The following LRP1B variants were observed in gnomAD, a reference collection of about 807,000 sequenced individuals.
LRP1B encodes low-density lipoprotein receptor-related protein 1B.
Under a neutral mutation model 556.6 loss-of-function variants are expected in LRP1B, and 217 were observed. The observed-to-expected ratio is 0.39, with a 90% CI of 0.35 to 0.44. The LOEUF (loss-of-function observed/expected upper bound fraction) is 0.44. Among genes scored for constraint, LRP1B ranks in the 20% least tolerant of loss-of-function variants. LRP1B has a pLI of 1.00. For missense variants in LRP1B, 5,053 were observed against 5,620.8 expected, an observed-to-expected ratio of 0.90 and a Z score of 3.23; for synonymous variants, 2,047 against 1,865.8, an observed-to-expected ratio of 1.10 and a Z score of -2.50.
At chr2:140,326,576 G>A (rs1680492141) in intron 79 of LRP1B, among the ~76,000 whole-genome samples, 1 of 151,972 alleles carries the variant, frequency 6.6e-6, no homozygotes, top group Non-Finnish European at 1.5e-5. Flanking sequence ...TTAGCAGGGA[G>A]TGGTGTCTGG....
At chr2:141,344,690 G>A (rs901815155) in intron 3 of LRP1B, among the ~76,000 whole-genome samples, 4 of 151,882 alleles carry the variant, frequency 2.6e-5, no homozygotes, top group African/African-American at 9.7e-5. Flanking sequence ...AGCTCCATAA[G>A]GGCAGACTCT....
At chr2:140,544,296 TATATA>T (rs1680245607) in intron 43 of LRP1B, among the ~76,000 whole-genome samples, 5 of 151,688 alleles carry the variant, frequency 3.3e-5, no homozygotes, top group African/African-American at 1.2e-4. Flanking sequence ...TCAGGTTTGT[TATATA>T]GGTAAATTTG....
chr2:141,600,139 A>C (rs139451002), intron 2 of LRP1B, among the ~76,000 whole-genome samples: 1,822 of 152,280 alleles, frequency 0.012, 41 homozygotes, highest in African/African-American at 0.041. Context: ...AAAAGGTATA[A>C]ATAGTGATCA....
chr2:141,264,276 GACA>G (rs1439095168), intron 3 of LRP1B, among the ~76,000 whole-genome samples: 1 of 152,090 alleles, frequency 6.6e-6, no homozygotes, highest in Non-Finnish European at 1.5e-5. Flanking sequence ...AAACGTGACT[GACA>G]ACATTGTCAC....
intron 14 of LRP1B, among the ~76,000 whole-genome samples, chr2:141,007,057 A>T (rs1337078436): frequency 6.6e-6 from 1 of 151,960 alleles, no homozygotes; most frequent in Non-Finnish European, 1.5e-5. Flanking sequence ...GCATCAATAA[A>T]TAACATTTTT....
intron 83 of LRP1B, among the ~76,000 whole-genome samples, chr2:140,299,393 G>T (rs1683727720): frequency 6.6e-6 from 1 of 151,988 alleles, no homozygotes; most frequent in African/African-American, 2.4e-5. Context: ...ACATTTTTAT[G>T]GTGAGTAATA....
intron 2 of LRP1B, among the ~76,000 whole-genome samples, chr2:141,608,667 G>A (rs569751912): frequency 1.3e-5 from 2 of 151,980 alleles, no homozygotes; most frequent in African/African-American, 4.8e-5. Context: ...AAACTTTATG[G>A]AAAAAATATA....
At chr2:140,483,640 A>ATATATTTTT (rs1491228405) in intron 59 of LRP1B, among the ~76,000 whole-genome samples, 15 of 70,736 alleles carry the variant, frequency 2.1e-4, no homozygotes, top group African/African-American at 7.6e-4. Context: ...ATATATATAT[A>ATATATTTTT]TTTTTTTTTT....
intron 1 of LRP1B, among the ~76,000 whole-genome samples, chr2:141,836,678 GTATT>G (rs1201529108): frequency 6.6e-6 from 1 of 151,926 alleles, no homozygotes; most frequent in African/African-American, 2.4e-5. Flanking sequence ...ACTGCTAACA[GTATT>G]TCTTTATGCT....
At chr2:140,674,939 T>C (rs75430304) in intron 41 of LRP1B, among the ~76,000 whole-genome samples, 6,784 of 152,320 alleles carry the variant, frequency 0.045, 299 homozygotes, top group African/African-American at 0.1. Flanking sequence ...GGTTCAGTCT[T>C]ACAATCAAGA....
chr2:141,126,564 TACTC>T, intron 7 of LRP1B, among the ~76,000 whole-genome samples: 1 of 152,268 alleles, frequency 6.6e-6, no homozygotes, highest in East Asian at 1.9e-4. Flanking sequence ...TTTTCTTCCT[TACTC>T]AGTCCCCAAA....
rs1689326536 is a variant in LRP1B, at chr2:141,641,360, T to C, written c.206-160827A>G. Among the ~76,000 whole-genome samples, 3 of 151,992 alleles carry C rather than the reference T, an allele frequency of 2.0e-5. No homozygotes were observed. In the South Asian group the frequency reaches 6.2e-4, roughly 31 times the overall value. ...CTTCCAGTTGTCCCCAACATTGATA[T>C]AAAGAAAAAGGGAGTTGAAAAGGGG... On this transcript the variant is annotated intron_variant, in intron 2 of 90. Coordinates refer to ENST00000389484, the MANE Select transcript of LRP1B (RefSeq NM_018557.3).
chr2:140,290,814 A>G (rs541626481), intron 84 of LRP1B, among the ~76,000 whole-genome samples: 1 of 152,190 alleles, frequency 6.6e-6, no homozygotes, highest in South Asian at 2.1e-4. Flanking sequence ...GTGAGTCTCT[A>G]AAAGTCGCAG....
chr2:141,675,447 G>C, intron 2 of LRP1B, among the ~76,000 whole-genome samples: 1 of 151,832 alleles, frequency 6.6e-6, no homozygotes, highest in East Asian at 1.9e-4. Flanking sequence ...AAGAGGTCAT[G>C]TTCATAGTCC....
At chr2:141,437,292 A>C (rs1334918221) in intron 3 of LRP1B, among the ~76,000 whole-genome samples, 3 of 152,130 alleles carry the variant, frequency 2.0e-5, no homozygotes, top group Admixed American at 2.0e-4. Context: ...AATCAGGAGG[A>C]TAATTTTGAC....
intron 1 of LRP1B, among the ~76,000 whole-genome samples, chr2:141,843,659 A>G (rs1482906510): frequency 1.3e-5 from 2 of 152,140 alleles, no homozygotes; most frequent in Non-Finnish European, 2.9e-5. Context: ...TTATTAACTT[A>G]AAATGCATTT....
intron 10 of LRP1B, among the ~76,000 whole-genome samples, chr2:141,053,298 A>T (rs1574025248): frequency 6.6e-6 from 1 of 151,890 alleles, no homozygotes; most frequent in Non-Finnish European, 1.5e-5. Context: ...GCTGGTATCA[A>T]TCTAATGGAG....
At chr2:140,694,884 A>T (rs1173712580) in intron 41 of LRP1B, among the ~76,000 whole-genome samples, 2 of 152,062 alleles carry the variant, frequency 1.3e-5, no homozygotes, top group South Asian at 2.1e-4. Flanking sequence ...TATAGTGATC[A>T]TATTTTTTTA....
intron 1 of LRP1B, among the ~76,000 whole-genome samples, chr2:142,031,390 G>T (rs113109381): frequency 0.072 from 8,203 of 113,366 alleles, 1,133 homozygotes; most frequent in African/African-American, 0.24. Flanking sequence ...CATTGTGCAG[G>T]TTAGTTACAT....
Sources: gnomAD v4.1 joint callset for allele counts (sites outside exome capture counted in the v4.1 genomes callset) on GRCh38, gnomAD v4.1.1 for gene constraint, MANE v1.5 for transcripts, NCBI Gene and HGNC (gene_info 2026-07-23, HGNC 2026-07-21) for gene names.